Variants in PRKCH observed in about 807,000 individuals in gnomAD.
The protein encoded by PRKCH is protein kinase C eta.
PRKCH carries 28 observed loss-of-function variants against 82.5 expected under a neutral mutation model. That is an observed-to-expected ratio of 0.34 (90% CI 0.25 to 0.47). The LOEUF is 0.47. Ranked by LOEUF, PRKCH falls within the 20% of genes least tolerant of loss-of-function variation. The probability of loss-of-function intolerance (pLI) is 1.00; values close to 1 mark genes in which losing one functional copy is unlikely to be tolerated. For missense variants in PRKCH, 705 were observed against 881.8 expected (o/e 0.80, Z 2.54); for synonymous variants, 322 against 327.4 (o/e 0.98, Z 0.18).
chr14:61,334,547 G>A (rs985549089), intron 1 of PRKCH, among the ~76,000 whole-genome samples: 1 of 152,130 alleles, frequency 6.6e-6, no homozygotes, highest in African/African-American at 2.4e-5. Flanking sequence ...ATTAGAGAAA[G>A]AGCATTCCAA....
chr14:61,348,929 C>G (rs551960379), intron 1 of PRKCH, among the ~76,000 whole-genome samples: 4 of 152,270 alleles, frequency 2.6e-5, no homozygotes, highest in Non-Finnish European at 5.9e-5. Flanking sequence ...GAAGCACTCT[C>G]TTAGTATTTG....
chr14:61,363,557 T>C lies in PRKCH; in HGVS notation c.364-27668T>C, dbSNP rs1401024449. On this transcript the variant is annotated intron_variant, in intron 1 of 13. Transcript: ENST00000332981. ...GTGGCCATTTTGAACCTGGGGAATA[T>C]AGGAGGAAGAATGGGTATGTAGGGG... 2.0e-5 allele frequency among the ~76,000 whole-genome samples: 3 copies of C among 152,008 alleles called. No homozygotes were observed. The East Asian group carries it at 5.8e-4, about 29-fold the overall frequency.
intron 1 of PRKCH, among the ~76,000 whole-genome samples, chr14:61,200,215 A>T (rs927831058): frequency 6.6e-6 from 1 of 152,148 alleles, no homozygotes; most frequent in African/African-American, 2.4e-5. Flanking sequence ...GGACAAGTTT[A>T]CCCAGAATGA....
chr14:61,429,406 TAGAG>T (rs1883280479), intron 2 of PRKCH, among the ~76,000 whole-genome samples: 1 of 152,250 alleles, frequency 6.6e-6, no homozygotes, highest in Non-Finnish European at 1.5e-5. Flanking sequence ...GCTTTACAGT[TAGAG>T]AGCATATGCT....
intron 2 of PRKCH, among the ~76,000 whole-genome samples, chr14:61,417,203 C>A (rs1226517559): frequency 6.6e-6 from 1 of 152,188 alleles, no homozygotes; most frequent in Admixed American, 6.5e-5. Flanking sequence ...AGAGGCGAGA[C>A]TGCTCCTTAA....
chr14:61,470,004 A>G (rs949030819), intron 9 of PRKCH, among the ~76,000 whole-genome samples: 3 of 151,784 alleles, frequency 2.0e-5, no homozygotes, highest in African/African-American at 4.8e-5. Context: ...TTCATCTTAT[A>G]GTCTCAGCTG....
At chr14:61,406,804 C>T (rs1025638007) in intron 2 of PRKCH, among the ~76,000 whole-genome samples, 2 of 152,070 alleles carry the variant, frequency 1.3e-5, no homozygotes, top group African/African-American at 4.8e-5. Flanking sequence ...TTGTGCCGAG[C>T]AGAGTTATTT....
In PRKCH at chr14:61,299,355, A is replaced by G. The variant is rs79074927; in HGVS notation, c.-19+111687A>G. ...TGAGGCGTTCTTACCTTACCAGTCA[A>G]AAGTTCCTAGAAGGTCATATATACC... On this transcript the variant is annotated intron_variant, in intron 1 of 3. Transcript: ENST00000555185. Among the ~76,000 whole-genome samples the G allele has an allele frequency of 7.0e-3, 1,064 of 152,316 alleles. 42 individuals are homozygous for G. The East Asian group carries it at 0.096, about 14-fold the overall frequency.
At position 61,549,817 on chromosome 14, in the gene PRKCH, G is replaced by C; in HGVS notation, c.2038G>C (p.Glu680Gln). The C allele has an allele frequency of 6.2e-7, 1 of 1,614,004 alleles. No homozygotes were observed. Among genetic ancestry groups the C allele is most frequent in the Non-Finnish European group, 8.5e-7 (1 of 1,179,996 alleles). Residue 680 changes from glutamate (E) to glutamine (Q), a missense_variant, in exon 14 of 14, where the codon GAA becomes CAA. Glu to Gln is a conservative substitution (Grantham distance 29, BLOSUM62 2). Coordinates refer to ENST00000332981, the MANE Select transcript of PRKCH (RefSeq NM_006255.5). ...TAGAAACTTTTCCTATGTGTCTCCA[G>C]AATTGCAACCATAGCCTTATGGGGA... is the stretch of plus-strand genomic sequence containing the variant. ...EFRNFSYVSP[E>Q]LQP
intron 1 of PRKCH, among the ~76,000 whole-genome samples, chr14:61,202,264 CACT>C (rs1196833111): frequency 6.6e-6 from 1 of 152,200 alleles, no homozygotes; most frequent in African/African-American, 2.4e-5. Context: ...AAAACAAGGA[CACT>C]TCTGAACTTT....
rs148831856 is a variant in PRKCH at position 61,458,020 on chromosome 14, T to G, written c.1278+341T>G. On this transcript the variant is annotated intron_variant, in intron 9 of 13. Transcript: ENST00000332981. ...AACAGAGAAAATGCCATGGGCTCAT[T>G]GTCTTGATGAATTTGGCTGTGACTC... Among the ~76,000 whole-genome samples the G allele has an allele frequency of 1.7e-3, 259 of 152,352 alleles. 2 individuals carry two copies. Among genetic ancestry groups the G allele is most frequent in the African/African-American group, 6.1e-3 (254 of 41,590 alleles).
intron 1 of PRKCH, among the ~76,000 whole-genome samples, chr14:61,372,704 G>A (rs2046378244): frequency 6.6e-6 from 1 of 151,996 alleles, no homozygotes. Context: ...CTTTCAGTGA[G>A]GTTATTTCAT....
intron 3 of PRKCH, among the ~76,000 whole-genome samples, chr14:61,445,034 A>G (rs769642703): frequency 1.3e-5 from 2 of 152,202 alleles, no homozygotes; most frequent in Non-Finnish European, 2.9e-5. Flanking sequence ...GAAATGGTAT[A>G]TATCAGCTGC....
Position 61,322,065 on chromosome 14 carries a change from C to A in PRKCH, c.-37C>A, listed in dbSNP as rs1356735144. 2.7e-6 allele frequency: 4 copies of A among 1,501,058 alleles called. No individual in the cohort carries two copies. The highest frequency in any genetic ancestry group is 2.7e-6 in the Non-Finnish European group (3 of 1,120,128). 93.0% of individuals were successfully genotyped at this position (1,501,058 alleles called of 1,614,324 possible). Reference sequence around the variant, plus strand: ...GACTCCCGGTTCTCCCGCTGCGAAGCAGCGCGGCCCCCCGGGGCCGGGGCA... The same window carrying A: ...GACTCCCGGTTCTCCCGCTGCGAAGAAGCGCGGCCCCCCGGGGCCGGGGCA... On this transcript the variant is annotated 5_prime_UTR_variant, in exon 1 of 14. Transcript: ENST00000332981.
chr14:61,316,455 A>G (rs2045562520), intron 1 of PRKCH, among the ~76,000 whole-genome samples: 1 of 152,248 alleles, frequency 6.6e-6, no homozygotes, highest in South Asian at 2.1e-4. Context: ...AAGACAAGAA[A>G]CAGTAATAGT....
At chr14:61,316,189 T>G (rs2045560969) in intron 1 of PRKCH, among the ~76,000 whole-genome samples, 1 of 152,224 alleles carries the variant, frequency 6.6e-6, no homozygotes. Flanking sequence ...CATTTTACTT[T>G]GAAACTTCTG....
chr14:61,260,058 C>T (rs1338895146), intron 1 of PRKCH, among the ~76,000 whole-genome samples: 1 of 152,156 alleles, frequency 6.6e-6, no homozygotes, highest in Admixed American at 6.5e-5. Context: ...AATTTGGCCT[C>T]ATTAATATGA....
intron 1 of PRKCH, among the ~76,000 whole-genome samples, chr14:61,388,165 A>AG (rs2046617912): frequency 6.6e-6 from 1 of 151,802 alleles, no homozygotes; most frequent in Non-Finnish European, 1.5e-5. Flanking sequence ...AAAAAAAAAA[A>AG]AAAGAAAGAA....
At chr14:61,358,855 C>T (rs994309365) in intron 1 of PRKCH, among the ~76,000 whole-genome samples, 2 of 152,118 alleles carry the variant, frequency 1.3e-5, no homozygotes, top group African/African-American at 2.4e-5. Flanking sequence ...AGCGACACTG[C>T]TTGGAATGCT....
Sources: gnomAD v4.1 joint callset for allele counts (sites outside exome capture counted in the v4.1 genomes callset) on GRCh38, gnomAD v4.1.1 for gene constraint, MANE v1.5 for transcripts, NCBI Gene and HGNC (gene_info 2026-07-23, HGNC 2026-07-21) for gene names.